Variants in PIK3R6 observed in about 807,000 individuals in gnomAD.
PIK3R6 encodes the protein phosphoinositide 3-kinase regulatory subunit 6.
PIK3R6 carries 91 observed loss-of-function variants against 84.9 expected under a neutral mutation model. The ratio of observed to expected loss-of-function variants is 1.07; its 90% CI spans 0.90 to 1.28. The LOEUF (loss-of-function observed/expected upper bound fraction) is 1.28, where lower values mean the gene tolerates loss of function less well. Among genes scored for constraint, PIK3R6 ranks in the 50% most tolerant of loss-of-function variants. The probability of loss-of-function intolerance (pLI) is 0.00; values close to 1 mark genes in which losing one functional copy is unlikely to be tolerated. For synonymous variants in PIK3R6, 416 were observed against 411.4 expected (o/e 1.01, Z -0.13); for missense variants, 996 against 985.1 (o/e 1.01, Z -0.15).
chr17:8,837,169 G>A (rs1164412913), intron 5 of PIK3R6, among the ~76,000 whole-genome samples: 1 of 152,086 alleles, frequency 6.6e-6, no homozygotes, highest in Non-Finnish European at 1.5e-5. Flanking sequence ...AAAATTCATT[G>A]CATCAAGTTA....
chr17:8,841,271 C>T (rs561025136), intron 2 of PIK3R6, among the ~76,000 whole-genome samples: 1 of 152,280 alleles, frequency 6.6e-6, no homozygotes, highest in Non-Finnish European at 1.5e-5. Context: ...CCAAACCTTA[C>T]TCAGCCTCCT....
chr17:8,834,216 CA>C (rs924014361), intron 8 of PIK3R6, among the ~76,000 whole-genome samples: 3 of 147,896 alleles, frequency 2.0e-5, no homozygotes, highest in African/African-American at 7.5e-5. Context: ...ACGTTCCAAG[CA>C]TAGGGAGTAG....
Position 8,804,194 on chromosome 17 carries a change from C to G in PIK3R6, c.1996-41G>C, listed in dbSNP as rs763475403. The stretch of plus-strand genomic sequence containing the variant: ...CGCACGTGTGAGTGTTGCCTTTGCT[C>G]GACAGGTGGCCCTGCCAACATGCCC... On this transcript the variant is annotated intron_variant, in intron 18 of 19. Transcript: ENST00000619866. 6 of 1,540,610 alleles carry G rather than the reference C, an allele frequency of 3.9e-6. 1 individual carries two copies. The highest frequency in any genetic ancestry group is 1.8e-6 in the Non-Finnish European group (2 of 1,116,180).
At chr17:8,819,841 T>C (rs1177920844) in intron 17 of PIK3R6, among the ~76,000 whole-genome samples, 2 of 139,300 alleles carry the variant, frequency 1.4e-5, no homozygotes, top group East Asian at 2.0e-4. Flanking sequence ...TACACACACA[T>C]ATATATGTAT....
intron 18 of PIK3R6, among the ~76,000 whole-genome samples, chr17:8,816,198 T>G (rs1305165706): frequency 6.6e-6 from 1 of 152,188 alleles, no homozygotes; most frequent in Non-Finnish European, 1.5e-5. Flanking sequence ...TAAATATGTT[T>G]AGAATGAGTG....
chr17:8,832,510 G>A (rs1471538658), intron 9 of PIK3R6, among the ~76,000 whole-genome samples: 1 of 148,904 alleles, frequency 6.7e-6, no homozygotes, highest in South Asian at 2.1e-4. Flanking sequence ...AGCATCCCGA[G>A]TAGCTGGGAC....
intron 9 of PIK3R6, among the ~76,000 whole-genome samples, chr17:8,831,145 CAAAAAAAAAAAA>C (rs35954175): frequency 4.8e-5 from 2 of 42,012 alleles, no homozygotes. Flanking sequence ...GATTGTGTCT[CAAAAAAAAAAAA>C]AAAAAAAAAA....
At position 8,839,202 on chromosome 17, in the gene PIK3R6, G is replaced by T. The variant is rs566642775; in HGVS notation, c.97+412C>A. Among the ~76,000 whole-genome samples the T allele has an allele frequency of 6.6e-6, 1 of 152,240 alleles. No individual in the cohort carries two copies. Among genetic ancestry groups the T allele is most frequent in the Non-Finnish European group, 1.5e-5 (1 of 68,010 alleles). On this transcript the variant is annotated intron_variant, in intron 3 of 19. Transcript: ENST00000619866. The surrounding 1 kb of genome is among the most constrained non-coding windows in gnomAD (Gnocchi z 4.2). ...ATCTCTACGAAAAATACAAAAATTA[G>T]CAGGGCATGGTGGCACACGCCTGTA... is the stretch of plus-strand genomic sequence containing the variant.
At chr17:8,849,298 C>T (rs773167915) in intron 2 of PIK3R6, among the ~76,000 whole-genome samples, 14 of 152,222 alleles carry the variant, frequency 9.2e-5, no homozygotes, top group South Asian at 4.1e-4. Flanking sequence ...TGGAGCTAGA[C>T]TATTGGGTTC....
Position 8,828,099 on chromosome 17 carries a change from G to A in PIK3R6, c.1392+13C>T, listed in dbSNP as rs1173708840. On this transcript the variant is annotated intron_variant, in intron 12 of 19. Coordinates refer to ENST00000619866, the MANE Select transcript of PIK3R6 (RefSeq NM_001010855.4). ...GTCTCTGCCCCGCCACCGCCTCCCC[G>A]CGGTCCAGTCACCTCAGGCGCCAGC... The A allele has an allele frequency of 1.2e-6, 2 of 1,613,200 alleles. No individual in the cohort carries two copies. The highest frequency in any genetic ancestry group is 4.5e-5 in the East Asian group (2 of 44,858).
chr17:8,803,471 G>A lies in PIK3R6; in HGVS notation c.2109-42C>T, dbSNP rs778774572. ...ACCAGCTCAGGTGACCCATCTGAGG[G>A]ATCAGATTGCCTAGGGCATTTGAAA... On this transcript the variant is annotated intron_variant, in intron 19 of 19. Coordinates refer to ENST00000619866, the MANE Select transcript of PIK3R6 (RefSeq NM_001010855.4). This position sits in a 1 kb window ranked among gnomAD's most constrained non-coding sequence, Gnocchi z 5.0. 3.9e-6 allele frequency: 6 copies of A among 1,549,468 alleles called. No homozygotes were observed. The highest frequency in any genetic ancestry group is 5.2e-6 in the Non-Finnish European group (6 of 1,145,842).
At chr17:8,859,157 G>A (rs1432200547) in intron 1 of PIK3R6, among the ~76,000 whole-genome samples, 1 of 152,240 alleles carries the variant, frequency 6.6e-6, no homozygotes, top group Non-Finnish European at 1.5e-5. Context: ...GGGCCCTCTG[G>A]CTGTCTTCTG....
rs1292731577 is a variant in PIK3R6 at position 8,844,571 on chromosome 17, A to T, written c.14-4874T>A. Among the ~76,000 whole-genome samples, 2 of 152,064 alleles carry T rather than the reference A, an allele frequency of 1.3e-5. No homozygotes were observed. The highest frequency in any genetic ancestry group is 4.8e-5 in the African/African-American group (2 of 41,396). ...CCTCCTCTGCATCCAGGAATGTGGG[A>T]TATTACTAATTAGGTATTAATATTA... On this transcript the variant is annotated intron_variant, in intron 2 of 19. Transcript: ENST00000619866. This position sits in a 1 kb window ranked among gnomAD's most constrained non-coding sequence, Gnocchi z 4.5.
intron 13 of PIK3R6, 48 bp from the exon 14 acceptor site, chr17:8,823,545 G>C (rs372440099): frequency 4.0e-5 from 52 of 1,310,108 alleles, no homozygotes; most frequent in Admixed American, 1.9e-4. Flanking sequence ...CAAGGCCACT[G>C]TGGGAGATGC....
Position 8,803,752 on chromosome 17 carries a change from T to C in PIK3R6, c.2108+289A>G. 1 of 562,056 alleles carries C rather than the reference T, an allele frequency of 1.8e-6. No homozygotes were observed. Among genetic ancestry groups the C allele is most frequent in the Non-Finnish European group, 3.2e-6 (1 of 314,708 alleles). The allele number at this position is 562,056 out of a possible 1,614,324, so 34.8% of individuals were successfully genotyped here. On this transcript the variant is annotated intron_variant, in intron 19 of 19. Transcript: ENST00000619866. This position sits in a 1 kb window ranked among gnomAD's most constrained non-coding sequence, Gnocchi z 5.0. ...AGCCTGTGTGGGAGGGGCCCGTGCC[T>C]GCAGAGGGGACTGGATCAGGAGGCT...
Position 8,803,962 on chromosome 17 carries a change from A to T in PIK3R6, c.2108+79T>A. ...CGATGAGGTGCCTTGAGCTAGAGGC[A>T]GGAGATGGCAGGAGCTGGCTCCTGC... On this transcript the variant is annotated intron_variant, in intron 19 of 19. Transcript: ENST00000619866. The surrounding 1 kb of genome is among the most constrained non-coding windows in gnomAD (Gnocchi z 5.0). The T allele has an allele frequency of 3.2e-6, 4 of 1,256,096 alleles. No homozygotes were observed. The highest frequency in any genetic ancestry group is 4.6e-6 in the Non-Finnish European group (4 of 868,942). 77.8% of individuals were successfully genotyped at this position (1,256,096 alleles called of 1,614,324 possible).
chr17:8,826,397 A>C (rs2087918376), intron 13 of PIK3R6, among the ~76,000 whole-genome samples: 1 of 152,230 alleles, frequency 6.6e-6, no homozygotes, highest in South Asian at 2.1e-4. Context: ...TCAATGATAG[A>C]CAGGACAAAG....
At position 8,821,942 on chromosome 17, in the gene PIK3R6, G is replaced by T; in HGVS notation, c.1789-6C>A. On this transcript the variant is annotated splice_polypyrimidine_tract_variant and splice_region_variant and intron_variant, in intron 16 of 19. Transcript: ENST00000619866. ...GGCCGGTGGCTAAGCAAGGCCTGAGGAGGGGGATCGAGGAACAGGTGGAGG... is the reference window on the plus strand; with the variant it reads ...GGCCGGTGGCTAAGCAAGGCCTGAGTAGGGGGATCGAGGAACAGGTGGAGG... 6.4e-7 allele frequency: 1 copy of T among 1,565,926 alleles called. No individual in the cohort carries two copies.
chr17:8,820,971 A>T (rs946754809), intron 17 of PIK3R6, among the ~76,000 whole-genome samples: 2 of 152,232 alleles, frequency 1.3e-5, no homozygotes, highest in Admixed American at 1.3e-4. Flanking sequence ...TTTTTAAAAC[A>T]AATTTTTGAA....
Sources: gnomAD v4.1 joint callset for allele counts (sites outside exome capture counted in the v4.1 genomes callset) on GRCh38, gnomAD v4.1.1 for gene constraint, Gnocchi (gnomAD v3.1) non-coding constraint, MANE v1.5 for transcripts, NCBI Gene and HGNC (gene_info 2026-07-23, HGNC 2026-07-21) for gene names.